The following ERG variants were observed in gnomAD, a reference collection of about 807,000 sequenced individuals.
ERG encodes the protein transcriptional regulator ERG.
In ERG, 9 loss-of-function variants were observed where a neutral mutation model predicts 55.3. That is an observed-to-expected ratio of 0.16 (90% CI 0.10 to 0.28). The LOEUF is 0.28. ERG is among the 10% of genes least tolerant of loss of function. The pLI, the probability that ERG is intolerant of heterozygous loss-of-function variation, is 1.00. For synonymous variants in ERG, 223 were observed against 237.3 expected, an observed-to-expected ratio of 0.94 and a Z score of 0.55; for missense variants, 434 against 631.6, an observed-to-expected ratio of 0.69 and a Z score of 3.35.
rs796125187 is a variant in ERG, at chr21:38,382,047, C to T, written c.*1356G>A. On this transcript the variant is annotated 3_prime_UTR_variant, in exon 10 of 10. Coordinates refer to ENST00000288319, the MANE Select transcript of ERG (RefSeq NM_182918.4). ...TATAAATCTGATTTGCCATGCTAGG[C>T]CAAGCTTATTTTATTACATACATTC... is the stretch of plus-strand genomic sequence containing the variant. 33 of 1,059,484 alleles carry T rather than the reference C, an allele frequency of 3.1e-5. No homozygotes were observed. In the African/African-American group the frequency reaches 5.3e-4, roughly 17 times the overall value. The allele number at this position is 1,059,484 out of a possible 1,614,324, so 65.6% of individuals were successfully genotyped here. A position where few individuals can be genotyped will look rare whatever the true frequency, so the allele number is the denominator to read the frequency against.
chr21:38,502,510 T>G (rs2059428503), upstream of ERG: 2 of 158,260 alleles, frequency 1.3e-5, no homozygotes, highest in Admixed American at 1.3e-4. Context: ...TTATGAATCT[T>G]GTCATAGATG....
At chr21:38,566,241 G>A (rs1208567312) in intron 2 of ERG, among the ~76,000 whole-genome samples, 1 of 152,152 alleles carries the variant, frequency 6.6e-6, no homozygotes, top group Non-Finnish European at 1.5e-5. Context: ...CCCATAATAA[G>A]TAGGACTTCT....
At chr21:38,470,573 G>A (rs898966520) in intron 1 of ERG, among the ~76,000 whole-genome samples, 2 of 152,136 alleles carry the variant, frequency 1.3e-5, no homozygotes, top group African/African-American at 2.4e-5. Flanking sequence ...GGATAGCAGA[G>A]GGGCCACAGA....
chr21:38,639,720 T>C (rs1303958520), intron 1 of ERG, among the ~76,000 whole-genome samples: 1 of 152,176 alleles, frequency 6.6e-6, no homozygotes, highest in Non-Finnish European at 1.5e-5. Context: ...AGCTTCTTGA[T>C]AACAACAATA....
At position 38,380,309 on chromosome 21, in the gene ERG, G is replaced by C. The variant is rs933066462; in HGVS notation, c.*3094C>G. On this transcript the variant is annotated 3_prime_UTR_variant, in exon 10 of 10. Coordinates refer to ENST00000288319, the MANE Select transcript of ERG (RefSeq NM_182918.4). The stretch of plus-strand genomic sequence containing the variant: ...CTCCTGGGTTGCAGGTGCCACATCT[G>C]TGCAGAAGGCTTAGGAGAAGCAGTG... The C allele has an allele frequency of 8.5e-6, 9 of 1,055,638 alleles. No homozygotes were observed. The highest frequency in any genetic ancestry group is 9.2e-6 in the Non-Finnish European group (8 of 873,250). 65.4% of individuals were successfully genotyped at this position (1,055,638 alleles called of 1,614,324 possible).
the ERG span, among the ~76,000 whole-genome samples, chr21:38,374,382 C>T: frequency 2.6e-5 from 4 of 152,136 alleles, no homozygotes; most frequent in South Asian, 6.2e-4. Context: ...GACAAAGGCT[C>T]GAGTCAACAC....
rs1987503574 is a variant in ERG, at chr21:38,382,685, TTCC to T, written c.*715_*717del. On this transcript the variant is annotated 3_prime_UTR_variant, in exon 10 of 10. Transcript: ENST00000288319. ...CCCTGGTCTCCTCCTTCTCTGCCTC[TTCC>T]TCCTCCTTCTTCACCCCTCTGTCTA... The T allele has an allele frequency of 9.4e-7, 1 of 1,066,992 alleles. No homozygotes were observed. Among genetic ancestry groups the T allele is most frequent in the African/African-American group, 1.6e-5 (1 of 61,116 alleles). The allele number at this position is 1,066,992 out of a possible 1,614,324, so 66.1% of individuals were successfully genotyped here.
In ERG at chr21:38,593,189, C is replaced by A. The variant is rs181694984; in HGVS notation, c.-149-8244G>T. Among the ~76,000 whole-genome samples the A allele has an allele frequency of 1.6e-3, 242 of 152,278 alleles. 1 individual carries two copies. The highest frequency in any genetic ancestry group is 4.5e-3 in the African/African-American group (187 of 41,560). On this transcript the variant is annotated intron_variant, in intron 1 of 10. Coordinates refer to the ERG transcript ENST00000398910. Reference sequence around the variant, plus strand: ...GCGCCATGTCCCTCAGTGTGGGAACCAGGGTCTGCCTGGGGCCCCCCTGTA... The same window carrying A: ...GCGCCATGTCCCTCAGTGTGGGAACAAGGGTCTGCCTGGGGCCCCCCTGTA...
chr21:38,546,802 G>C (rs1181906277), intron 2 of ERG, among the ~76,000 whole-genome samples: 1 of 152,200 alleles, frequency 6.6e-6, no homozygotes, highest in Admixed American at 6.5e-5. Context: ...AACGTGGAGT[G>C]TGCAGCACAG....
chr21:38,659,371 C>T (rs1410926303), intron 1 of ERG, among the ~76,000 whole-genome samples: 1 of 152,250 alleles, frequency 6.6e-6, no homozygotes, highest in African/African-American at 2.4e-5. Flanking sequence ...TTCTTCGCAA[C>T]GTCTGTTGCC....
intron 1 of ERG, among the ~76,000 whole-genome samples, chr21:38,579,964 C>T (rs868004646): frequency 5.7e-4 from 87 of 152,022 alleles, no homozygotes; most frequent in African/African-American, 2.1e-3. Flanking sequence ...GGGACTACAG[C>T]CGCCCACCAC....
At chr21:38,519,275 C>T (rs181848914) in intron 2 of ERG, among the ~76,000 whole-genome samples, 11 of 152,218 alleles carry the variant, frequency 7.2e-5, no homozygotes, top group African/African-American at 1.9e-4. Context: ...GAATTTACAA[C>T]GGTAAAGGTA....
chr21:38,660,171 A>C (rs1417436933), intron 1 of ERG, among the ~76,000 whole-genome samples: 2 of 151,970 alleles, frequency 1.3e-5, no homozygotes, highest in African/African-American at 2.4e-5. Flanking sequence ...CCTGGTCCCT[A>C]CTTTAGGCCA....
chr21:38,614,143 A>G (rs2060245191), intron 1 of ERG, among the ~76,000 whole-genome samples: 1 of 152,196 alleles, frequency 6.6e-6, no homozygotes, highest in African/African-American at 2.4e-5. Flanking sequence ...ACTCAGAGCC[A>G]AAGACCAGGG....
At position 38,382,937 on chromosome 21, in the gene ERG, T is replaced by C; in HGVS notation, c.*466A>G. ...CACAGTCTCTCTCGTGTCTTTTCTC[T>C]TGTTTTTGATATGTTTCTATTTTTA... On this transcript the variant is annotated 3_prime_UTR_variant, in exon 10 of 10. Transcript: ENST00000288319. 1 of 1,066,692 alleles carries C rather than the reference T, an allele frequency of 9.4e-7. No homozygotes were observed. Among genetic ancestry groups the C allele is most frequent in the African/African-American group, 1.6e-5 (1 of 61,266 alleles). 66.1% of individuals were successfully genotyped at this position (1,066,692 alleles called of 1,614,324 possible).
Position 38,461,150 on chromosome 21 carries a change from G to A in ERG, c.19-15529C>T, listed in dbSNP as rs376389457. On this transcript the variant is annotated intron_variant, in intron 1 of 9. Transcript: ENST00000288319. The stretch of plus-strand genomic sequence containing the variant: ...AAGCAACAGACATTTATTCTCTCAT[G>A]GCTCTGGAAGCTGGAAGTCAGAGAG... Among the ~76,000 whole-genome samples the A allele has an allele frequency of 1.1e-4, 16 of 152,294 alleles. No homozygotes were observed. The East Asian group carries it at 2.1e-3, about 20-fold the overall frequency.
At chr21:38,474,104 A>G (rs1157318729) in intron 1 of ERG, 1 of 152,190 alleles carries the variant, frequency 6.6e-6, no homozygotes, top group African/African-American at 2.4e-5. Context: ...TCAACTGTGC[A>G]TCATCAATGG....
intron 1 of ERG, among the ~76,000 whole-genome samples, chr21:38,451,598 T>C (rs919109755): frequency 6.6e-6 from 1 of 152,208 alleles, no homozygotes; most frequent in Non-Finnish European, 1.5e-5. Flanking sequence ...CAGGCTCTAT[T>C]GTTTATAGTT....
intron 2 of ERG, among the ~76,000 whole-genome samples, chr21:38,546,038 T>A (rs1601221696): frequency 6.6e-6 from 1 of 152,274 alleles, no homozygotes. Context: ...CCTAGAGTCA[T>A]CTTTAACTCT....
Sources: allele counts gnomAD v4.1 joint callset (sites outside exome capture counted in the v4.1 genomes callset), GRCh38; gene constraint gnomAD v4.1.1; transcripts MANE v1.5; gene names NCBI Gene and HGNC (gene_info 2026-07-23, HGNC 2026-07-21).